The following BMAL1 variants were observed in gnomAD, a reference collection of about 807,000 sequenced individuals.
BMAL1 encodes the protein basic helix-loop-helix ARNT like 1.
chr11:13,296,472 C>A, the BMAL1 span, among the ~76,000 whole-genome samples: 1 of 152,206 alleles, frequency 6.6e-6, no homozygotes, highest in African/African-American at 2.4e-5. Context: ...CTTCCAGTCC[C>A]ACTAGGAAGA....
At chr11:13,288,056 C>T in the BMAL1 span, among the ~76,000 whole-genome samples, 1 of 152,188 alleles carries the variant, frequency 6.6e-6, no homozygotes, top group Non-Finnish European at 1.5e-5. Flanking sequence ...TTTCGATTCA[C>T]AGACAAGGTG....
At chr11:13,350,933 C>T in the BMAL1 span, among the ~76,000 whole-genome samples, 2 of 152,124 alleles carry the variant, frequency 1.3e-5, no homozygotes, top group South Asian at 4.1e-4. Context: ...CAAATTTATT[C>T]GTTCATTCAA....
At chr11:13,357,030 A>G in the BMAL1 span, 2 of 1,614,184 alleles carry the variant, frequency 1.2e-6, no homozygotes, top group Non-Finnish European at 1.7e-6. This position sits in a 1 kb window ranked among gnomAD's most constrained non-coding sequence, Gnocchi z 4.8. Flanking sequence ...TTATGTTTTT[A>G]TCTTTTGCTT....
At chr11:13,299,745 A>G in the BMAL1 span, among the ~76,000 whole-genome samples, 1 of 152,160 alleles carries the variant, frequency 6.6e-6, no homozygotes, top group Non-Finnish European at 1.5e-5. Context: ...AACTGAACCA[A>G]CAGAGGACAA....
the BMAL1 span, chr11:13,360,312 A>G: frequency 6.3e-7 from 1 of 1,576,212 alleles, no homozygotes; most frequent in Non-Finnish European, 8.7e-7. Context: ...CTGAATATCA[A>G]GTATACCAAT....
chr11:13,360,201 T>C, the BMAL1 span: 1 of 630,022 alleles, frequency 1.6e-6, no homozygotes, highest in Non-Finnish European at 2.7e-6. Flanking sequence ...AGATCTAGGC[T>C]CATCTCAGTT....
At chr11:13,289,980 C>G in the BMAL1 span, among the ~76,000 whole-genome samples, 3 of 147,900 alleles carry the variant, frequency 2.0e-5, no homozygotes, top group African/African-American at 8.1e-5. Context: ...AATGATTGAA[C>G]TAGTTTACAC....
chr11:13,335,301 G>A, the BMAL1 span, among the ~76,000 whole-genome samples: 8 of 152,288 alleles, frequency 5.3e-5, no homozygotes, highest in East Asian at 9.6e-4. Context: ...TTCTTCCTCC[G>A]CTGTCTATTC....
the BMAL1 span, among the ~76,000 whole-genome samples, chr11:13,284,238 A>G: frequency 6.2e-4 from 1 of 1,616 alleles, no homozygotes; most frequent in African/African-American, 7.8e-4. Flanking sequence ...GTGTGTGTAT[A>G]TATATATATA....
At chr11:13,370,927 C>T in the BMAL1 span, among the ~76,000 whole-genome samples, 2 of 152,214 alleles carry the variant, frequency 1.3e-5, no homozygotes, top group African/African-American at 4.8e-5. Flanking sequence ...GCTGTCGCTT[C>T]CTGGTTGGAA....
At chr11:13,291,233 T>C in the BMAL1 span, among the ~76,000 whole-genome samples, 1 of 152,340 alleles carries the variant, frequency 6.6e-6, no homozygotes, top group African/African-American at 2.4e-5. Flanking sequence ...TCCTGTGTAA[T>C]TGACAAGTAG....
the BMAL1 span, chr11:13,381,276 C>T: frequency 1.1e-5 from 18 of 1,610,176 alleles, no homozygotes; most frequent in Non-Finnish European, 1.5e-5. Flanking sequence ...GATTCTTAGC[C>T]TAAGCTAGAG....
At chr11:13,381,121 C>A in the BMAL1 span, 20 of 1,597,178 alleles carry the variant, frequency 1.3e-5, no homozygotes, top group Non-Finnish European at 1.6e-5. Flanking sequence ...ATACACTCCA[C>A]TGAAAAAAGA....
At chr11:13,277,832 G>T in the BMAL1 span, 1 of 152,332 alleles carries the variant, frequency 6.6e-6, no homozygotes, top group South Asian at 2.1e-4. Context: ...GGTCAGGGAC[G>T]GAGGTGCCTG....
chr11:13,306,835 C>T, the BMAL1 span, among the ~76,000 whole-genome samples: 55 of 152,232 alleles, frequency 3.6e-4, no homozygotes, highest in African/African-American at 8.7e-4. Flanking sequence ...ATGCTGCCAG[C>T]GGTCCAGTTG....
the BMAL1 span, among the ~76,000 whole-genome samples, chr11:13,344,027 C>T: frequency 6.6e-6 from 1 of 152,162 alleles, no homozygotes; most frequent in Non-Finnish European, 1.5e-5. Context: ...ATGGGCCCCC[C>T]TCACACCCTG....
the BMAL1 span, among the ~76,000 whole-genome samples, chr11:13,319,019 C>A: frequency 6.6e-6 from 1 of 152,084 alleles, no homozygotes; most frequent in Admixed American, 6.5e-5. Context: ...TTTGCATTTG[C>A]TTGTTTCTCT....
the BMAL1 span, among the ~76,000 whole-genome samples, chr11:13,313,886 C>T: frequency 6.7e-6 from 1 of 149,604 alleles, no homozygotes; most frequent in Non-Finnish European, 1.5e-5. Flanking sequence ...GCAGCTTTTG[C>T]TCCCCCACCC....
the BMAL1 span, among the ~76,000 whole-genome samples, chr11:13,304,645 C>T: frequency 6.6e-6 from 1 of 152,190 alleles, no homozygotes; most frequent in Non-Finnish European, 1.5e-5. Context: ...GGAATTGTCT[C>T]ACTTTGGGGT....
Sources: gnomAD v4.1 joint callset for allele counts (sites outside exome capture counted in the v4.1 genomes callset) on GRCh38, gnomAD v4.1.1 for gene constraint, Gnocchi (gnomAD v3.1) non-coding constraint, MANE v1.5 for transcripts, NCBI Gene and HGNC (gene_info 2026-07-23, HGNC 2026-07-21) for gene names.